The following ABCC8 variants were observed in gnomAD, a reference collection of about 807,000 sequenced individuals.
ABCC8 encodes ATP-binding cassette sub-family C member 8.
In ABCC8, 137 loss-of-function variants were observed where a neutral mutation model predicts 188.0. That is an observed-to-expected ratio of 0.73 (90% CI 0.63 to 0.84). The LOEUF (loss-of-function observed/expected upper bound fraction) is 0.84. Ranked by LOEUF, ABCC8 falls within the 40% of genes least tolerant of loss-of-function variation. The probability of loss-of-function intolerance (pLI) is 0.00; values close to 1 mark genes in which losing one functional copy is unlikely to be tolerated. For synonymous variants in ABCC8, 797 were observed against 846.5 expected, an observed-to-expected ratio of 0.94 and a Z score of 1.01; for missense variants, 1,750 against 2,072.7, an observed-to-expected ratio of 0.84 and a Z score of 3.02.
intron 12 of ABCC8, chr11:17,430,151 G>A (rs936610364): frequency 6.3e-6 from 1 of 158,036 alleles, no homozygotes; most frequent in Non-Finnish European, 1.4e-5. Flanking sequence ...GAGGCCCAAG[G>A]ACATCTTCTC....
chr11:17,415,251 G>C (rs1417127152), intron 18 of ABCC8, 53 bp downstream of exon 18: 4 of 1,583,226 alleles, frequency 2.5e-6, no homozygotes, highest in East Asian at 2.3e-5. Context: ...TTGGGCCTGA[G>C]AGCACCCTGG....
At position 17,406,797 on chromosome 11, in the gene ABCC8, G is replaced by A; in HGVS notation, c.3163-9C>T. 1 of 1,614,200 alleles carries A rather than the reference G, an allele frequency of 6.2e-7. No individual in the cohort carries two copies. Among genetic ancestry groups the A allele is most frequent in the Non-Finnish European group, 8.5e-7 (1 of 1,180,040 alleles). On this transcript the variant is annotated splice_polypyrimidine_tract_variant and intron_variant, in intron 25 of 38. Coordinates refer to ENST00000389817, the MANE Select transcript of ABCC8 (RefSeq NM_000352.6). ...TGGTCGAGGGTGCACTCCTTCACAGGCAGAGAGTGATTTGGAGTTCCAGGG... is the reference window on the plus strand; with the variant it reads ...TGGTCGAGGGTGCACTCCTTCACAGACAGAGAGTGATTTGGAGTTCCAGGG...
rs1041416781 is a variant in ABCC8, at chr11:17,427,532, T to A, written c.2116+335A>T. Among the ~76,000 whole-genome samples, 4 of 152,344 alleles carry A rather than the reference T, an allele frequency of 2.6e-5. No homozygotes were observed. Among genetic ancestry groups the A allele is most frequent in the African/African-American group, 9.6e-5 (4 of 41,596 alleles). On this transcript the variant is annotated intron_variant, in intron 15 of 38. Coordinates refer to ENST00000389817, the MANE Select transcript of ABCC8 (RefSeq NM_000352.6). This position sits in a 1 kb window ranked among gnomAD's most constrained non-coding sequence, Gnocchi z 5.0. ...TCTGCCAGAAAATCCTCCTGCCTCA[T>A]GGCCTCAGGGCCTTTGTCCATTCTC...
At chr11:17,442,578 C>T (rs894491392) in intron 10 of ABCC8, 142 bp downstream of exon 10, 2 of 822,120 alleles carry the variant, frequency 2.4e-6, no homozygotes, top group Admixed American at 1.9e-5. Context: ...GCTATCAGAG[C>T]CAGTTTGAGG....
chr11:17,397,465 G>GCA, intron 31 of ABCC8, 152 bp from the exon 32 acceptor site: 1 of 1,474,046 alleles, frequency 6.8e-7, no homozygotes, highest in Non-Finnish European at 9.2e-7. Context: ...CTCCCTGGAG[G>GCA]CACAGGGAGG....
In ABCC8 at chr11:17,413,400, C is replaced by T; in HGVS notation, c.2469G>A (p.Gly823=). 6.2e-7 allele frequency: 1 copy of T among 1,614,204 alleles called. No individual in the cohort carries two copies. ...CTCAGAGGCTGCTACTAACCCGTTC[C>T]CCAATCTGGGTCTGGTCTCCATGGG... is the stretch of plus-strand genomic sequence containing the variant. The part of the protein sequence containing the change: ...ILPHGDQTQI[G]ERGINLSGGQ... Residue 823 remains glycine (G), a synonymous_variant, in exon 20 of 39, where the codon GGG becomes GGA. Transcript: ENST00000389817.
chr11:17,445,443 T>G (rs1956486299), intron 8 of ABCC8, among the ~76,000 whole-genome samples: 1 of 152,216 alleles, frequency 6.6e-6, no homozygotes, highest in African/African-American at 2.4e-5. Context: ...CCCACTGATT[T>G]GTATGCTTTA....
chr11:17,461,976 A>G, intron 4 of ABCC8, 151 bp from the exon 5 acceptor site: 1 of 1,375,808 alleles, frequency 7.3e-7, no homozygotes, highest in Non-Finnish European at 9.7e-7. Flanking sequence ...CAGGAAAAGG[A>G]TTCCCCAACA....
intron 6 of ABCC8, among the ~76,000 whole-genome samples, chr11:17,454,969 T>G (rs2237976): frequency 0.43 from 65,689 of 151,948 alleles, 14,889 homozygotes; most frequent in African/African-American, 0.57. Context: ...ACCCGGTCCT[T>G]TTTAACATGC....
At chr11:17,407,664 A>G in intron 23 of ABCC8, 1 of 472,904 alleles carries the variant, frequency 2.1e-6, no homozygotes, top group African/African-American at 2.1e-5. Flanking sequence ...CCTGTGGGGA[A>G]CCACTCTTCC....
In ABCC8 at chr11:17,470,242, C is replaced by A. The variant is rs779340910; in HGVS notation, c.291-20G>T. 6.2e-7 allele frequency: 1 copy of A among 1,613,888 alleles called. No homozygotes were observed. The highest frequency in any genetic ancestry group is 1.3e-5 in the African/African-American group (1 of 74,934). On this transcript the variant is annotated intron_variant, in intron 2 of 38. Transcript: ENST00000389817. ...GTCACCCTGAGATGGGAGAGAGAAA[C>A]AGACAGGATGGGGACATGCTAAGTA...
At chr11:17,414,761 T>A in intron 18 of ABCC8, 151 bp from the exon 19 acceptor site, 3 of 1,427,114 alleles carry the variant, frequency 2.1e-6, no homozygotes, top group Non-Finnish European at 2.8e-6. Context: ...TCTGGTGGCC[T>A]TGCCTTCCCC....
chr11:17,422,271 C>T (rs189530255), intron 16 of ABCC8, among the ~76,000 whole-genome samples: 46 of 152,298 alleles, frequency 3.0e-4, no homozygotes, highest in African/African-American at 1.1e-3. Context: ...GCCTAGACTC[C>T]TTCTCCTAGC....
At chr11:17,456,821 C>T (rs1038402145) in intron 6 of ABCC8, among the ~76,000 whole-genome samples, 4 of 152,200 alleles carry the variant, frequency 2.6e-5, no homozygotes, top group East Asian at 1.9e-4. Context: ...TGTGAAAAAA[C>T]AGTAAGTGTA....
chr11:17,399,547 C>T (rs1474882519), intron 29 of ABCC8, among the ~76,000 whole-genome samples: 5 of 152,168 alleles, frequency 3.3e-5, no homozygotes, highest in African/African-American at 1.2e-4. Flanking sequence ...TCAGGGCTTG[C>T]CTTAAATGCT....
chr11:17,415,850 T>C (rs1344174052), intron 17 of ABCC8, among the ~76,000 whole-genome samples: 1 of 152,164 alleles, frequency 6.6e-6, no homozygotes, highest in East Asian at 1.9e-4. Context: ...CCAGGCATGA[T>C]CTGCAGCCCC....
chr11:17,438,207 C>T (rs573800199), intron 10 of ABCC8, among the ~76,000 whole-genome samples: 38 of 152,198 alleles, frequency 2.5e-4, no homozygotes, highest in Admixed American at 5.9e-4. Context: ...TTAGCGCCTC[C>T]ACTGAGGAGG....
intron 29 of ABCC8, among the ~76,000 whole-genome samples, chr11:17,399,827 A>G (rs1187877955): frequency 6.6e-6 from 1 of 152,160 alleles, no homozygotes; most frequent in African/African-American, 2.4e-5. Flanking sequence ...CTGCACAGGG[A>G]ACTCTGGAGG....
At chr11:17,414,638 G>A in intron 18 of ABCC8, 28 bp from the exon 19 acceptor site, 1 of 1,613,702 alleles carries the variant, frequency 6.2e-7, no homozygotes, top group Non-Finnish European at 8.5e-7. Flanking sequence ...GGAGTAGGGG[G>A]TGCGGAAGGC....
Sources: gnomAD v4.1 joint callset for allele counts (sites outside exome capture counted in the v4.1 genomes callset) on GRCh38, gnomAD v4.1.1 for gene constraint, Gnocchi (gnomAD v3.1) non-coding constraint, MANE v1.5 for transcripts, NCBI Gene and HGNC (gene_info 2026-07-23, HGNC 2026-07-21) for gene names.